Variants in MYT1L observed in about 807,000 individuals in gnomAD.
MYT1L encodes the protein myelin transcription factor 1-like protein.
A neutral mutation model predicts 126.7 loss-of-function variants in MYT1L; 12 were observed. That is an observed-to-expected ratio of 0.09 (90% CI 0.06 to 0.15). The LOEUF (loss-of-function observed/expected upper bound fraction) is 0.15. Ranked by LOEUF, MYT1L falls within the 10% of genes least tolerant of loss-of-function variation. MYT1L has a pLI of 1.00. For synonymous variants in MYT1L, 541 were observed against 604.2 expected (o/e 0.90, Z 1.53); for missense variants, 979 against 1,585.2 (o/e 0.62, Z 6.49).
At chr2:2,277,351 C>A (rs1011419894) in intron 2 of MYT1L, among the ~76,000 whole-genome samples, 3 of 152,318 alleles carry the variant, frequency 2.0e-5, no homozygotes, top group African/African-American at 7.2e-5. Context: ...TTGCACAAAG[C>A]ATTTGCTCAA....
At chr2:2,177,535 C>G (rs1284877282) in intron 2 of MYT1L, among the ~76,000 whole-genome samples, 1 of 152,188 alleles carries the variant, frequency 6.6e-6, no homozygotes, top group Non-Finnish European at 1.5e-5. Context: ...CTAGAAAGAA[C>G]TGCCTGAGAC....
intron 1 of MYT1L, among the ~76,000 whole-genome samples, chr2:2,312,434 A>G (rs569432975): frequency 6.6e-6 from 1 of 152,002 alleles, no homozygotes; most frequent in South Asian, 2.1e-4. Context: ...AACATGGTGA[A>G]ACCCCATCTC....
chr2:1,919,342 A>G (rs2053265459), intron 10 of MYT1L, among the ~76,000 whole-genome samples: 1 of 152,192 alleles, frequency 6.6e-6, no homozygotes, highest in African/African-American at 2.4e-5. Context: ...AAAAGCAAAC[A>G]TACAAGCAAA....
chr2:1,937,995 T>A (rs548873206), intron 9 of MYT1L, among the ~76,000 whole-genome samples: 3 of 152,324 alleles, frequency 2.0e-5, no homozygotes, highest in Non-Finnish European at 4.4e-5. Flanking sequence ...GCCCTGAGAT[T>A]CAGTAAAGAG....
At chr2:1,850,029 G>T (rs2043006525) in intron 19 of MYT1L, among the ~76,000 whole-genome samples, 1 of 107,800 alleles carries the variant, frequency 9.3e-6, no homozygotes. Flanking sequence ...GGGGCGGGGT[G>T]GTGAGGGGGG....
intron 3 of MYT1L, among the ~76,000 whole-genome samples, chr2:2,140,931 T>C (rs551576444): frequency 2.1e-4 from 32 of 152,338 alleles, no homozygotes; most frequent in African/African-American, 7.2e-4. Flanking sequence ...CATATTGAAA[T>C]TATCAAATAC....
chr2:2,259,814 G>T (rs2094917569), intron 2 of MYT1L, among the ~76,000 whole-genome samples: 1 of 152,136 alleles, frequency 6.6e-6, no homozygotes, highest in Non-Finnish European at 1.5e-5. Context: ...CGCTGGCCAG[G>T]TGTGCTAGGT....
At chr2:2,240,647 G>A (rs2094421388) in intron 2 of MYT1L, among the ~76,000 whole-genome samples, 1 of 152,198 alleles carries the variant, frequency 6.6e-6, no homozygotes, top group Non-Finnish European at 1.5e-5. Flanking sequence ...CATATGGACT[G>A]GAATTATATT....
At chr2:2,248,009 TTAG>T (rs2094566098) in intron 2 of MYT1L, among the ~76,000 whole-genome samples, 1 of 151,530 alleles carries the variant, frequency 6.6e-6, no homozygotes, top group East Asian at 1.9e-4. Context: ...AACCCAAAAC[TTAG>T]TAGAAGAAAA....
intron 3 of MYT1L, among the ~76,000 whole-genome samples, chr2:2,076,449 G>A (rs191381837): frequency 5.9e-5 from 9 of 152,228 alleles, no homozygotes; most frequent in Admixed American, 1.3e-4. Flanking sequence ...TTCATTGGCC[G>A]ACCACTAACT....
intron 3 of MYT1L, among the ~76,000 whole-genome samples, chr2:2,112,263 C>T (rs2079560044): frequency 6.6e-6 from 1 of 152,122 alleles, no homozygotes; most frequent in Non-Finnish European, 1.5e-5. Flanking sequence ...ACCAAAATTT[C>T]AAATGAAGTA....
intron 5 of MYT1L, among the ~76,000 whole-genome samples, chr2:1,990,502 G>A (rs2061372948): frequency 6.6e-6 from 1 of 152,152 alleles, no homozygotes; most frequent in African/African-American, 2.4e-5. Flanking sequence ...AAACCACTGC[G>A]GGTGCCATGG....
intron 8 of MYT1L, among the ~76,000 whole-genome samples, chr2:1,976,119 CAAAA>C (rs10622987): frequency 1.9e-5 from 2 of 104,244 alleles, no homozygotes; most frequent in Non-Finnish European, 2.0e-5. Context: ...GTTAAAAGAC[CAAAA>C]AAAAAAAAAA....
intron 8 of MYT1L, among the ~76,000 whole-genome samples, chr2:1,956,242 ATCCTATTCTATATTTCCTATTCTATCTG>A (rs2058364255): frequency 7.4e-6 from 1 of 135,930 alleles, no homozygotes. Flanking sequence ...TCATCTATCT[ATCCTATTCTATATTTCCTATTCTATCTG>A]TCTATCTACC....
At chr2:1,933,782 A>T (rs1183380338) in intron 9 of MYT1L, among the ~76,000 whole-genome samples, 3 of 152,202 alleles carry the variant, frequency 2.0e-5, no homozygotes, top group African/African-American at 7.2e-5. Flanking sequence ...TGCCTAGCAC[A>T]GTGCCATGAG....
At chr2:1,819,218 A>C (rs2038151005) in intron 21 of MYT1L, among the ~76,000 whole-genome samples, 1 of 152,216 alleles carries the variant, frequency 6.6e-6, no homozygotes. Context: ...AGGCCTGAGA[A>C]GAGACGTTTT....
At chr2:1,804,278 A>G (rs765830980) in intron 22 of MYT1L, among the ~76,000 whole-genome samples, 2 of 151,968 alleles carry the variant, frequency 1.3e-5, no homozygotes, top group African/African-American at 2.4e-5. Context: ...CTGCCACTAC[A>G]CCCGGCTAAT....
At chr2:1,944,022 G>T (rs948676425) in intron 8 of MYT1L, among the ~76,000 whole-genome samples, 1 of 152,134 alleles carries the variant, frequency 6.6e-6, no homozygotes, top group Non-Finnish European at 1.5e-5. Flanking sequence ...ACTAAATCAC[G>T]CTGAAATTGG....
At chr2:2,170,412 G>A (rs1043830220) in intron 3 of MYT1L, among the ~76,000 whole-genome samples, 6 of 152,198 alleles carry the variant, frequency 3.9e-5, no homozygotes, top group African/African-American at 1.4e-4. Context: ...CATGCCATTT[G>A]CTCGCTGTTG....
Sources: allele counts gnomAD v4.1 joint callset (sites outside exome capture counted in the v4.1 genomes callset), GRCh38; gene constraint gnomAD v4.1.1; transcripts MANE v1.5; gene names NCBI Gene and HGNC (gene_info 2026-07-23, HGNC 2026-07-21).